The following DMTN variants were observed in gnomAD, a reference collection of about 807,000 sequenced individuals.
DMTN encodes the protein dematin.
A neutral mutation model predicts 59.4 loss-of-function variants in DMTN; 27 were observed. The observed-to-expected ratio is 0.45, with a 90% CI of 0.33 to 0.63. The LOEUF is 0.63. DMTN is among the 20% of genes least tolerant of loss of function. The pLI is 0.02. For synonymous variants in DMTN, 221 were observed against 203.7 expected (o/e 1.08, Z -0.72); for missense variants, 451 against 528.9 (o/e 0.85, Z 1.45).
At chr8:22,067,410 G>T (rs1811645867) in intron 3 of DMTN, 117 bp from the exon 4 acceptor site, 6 of 1,420,864 alleles carry the variant, frequency 4.2e-6, no homozygotes. Flanking sequence ...TAATAGAATT[G>T]TTAACGTCTG....
intron 10 of DMTN, among the ~76,000 whole-genome samples, chr8:22,077,208 G>A (rs1193367796): frequency 1.3e-5 from 2 of 152,086 alleles, no homozygotes; most frequent in African/African-American, 4.8e-5. Flanking sequence ...AAGGTGGGAG[G>A]TGGGGGAGGT....
Position 22,058,354 on chromosome 8 carries a change from A to C in DMTN, c.-172+1218A>C, listed in dbSNP as rs1044533691. 6.6e-6 allele frequency among the ~76,000 whole-genome samples: 1 copy of C among 151,980 alleles called. No individual in the cohort carries two copies. Among genetic ancestry groups the C allele is most frequent in the Non-Finnish European group, 1.5e-5 (1 of 67,970 alleles). On this transcript the variant is annotated intron_variant, in intron 1 of 15. Transcript: ENST00000358242. The surrounding 1 kb of genome is among the most constrained non-coding windows in gnomAD (Gnocchi z 4.3). ...GGAGGCCCTGGGATCCAGAAAGCTG[A>C]ATTGAGGCTGCATCTCCCCCAGCTC...
Position 22,067,179 on chromosome 8 carries a change from A to C in DMTN, c.93+20A>C. The stretch of plus-strand genomic sequence containing the variant: ...ATCGTGGTGAGTACCCCTCTCGGCC[A>C]CCAGCAACCCCTGGCTGGGAGGGGG... On this transcript the variant is annotated intron_variant, in intron 3 of 15. Coordinates refer to ENST00000358242, the MANE Select transcript of DMTN (RefSeq NM_001387751.1). 3 of 1,606,504 alleles carry C rather than the reference A, an allele frequency of 1.9e-6. No homozygotes were observed. Among genetic ancestry groups the C allele is most frequent in the Non-Finnish European group, 2.5e-6 (3 of 1,176,874 alleles).
chr8:22,062,817 C>A (rs1807620039), intron 1 of DMTN, among the ~76,000 whole-genome samples: 1 of 152,002 alleles, frequency 6.6e-6, no homozygotes, highest in South Asian at 2.1e-4. Context: ...TCCCTCCCTC[C>A]CATTCTTTCT....
chr8:22,081,062 G>A (rs770945295), intron 14 of DMTN, 51 bp from the exon 15 acceptor site: 12 of 1,582,886 alleles, frequency 7.6e-6, no homozygotes, highest in African/African-American at 2.7e-5. Flanking sequence ...CTAGGGAGTC[G>A]AAGGACAGGA....
upstream of DMTN, chr8:22,053,767 G>C (rs118189526): frequency 5.2e-5 from 8 of 152,472 alleles, no homozygotes; most frequent in East Asian, 1.5e-3. Context: ...AAGGTCCTGA[G>C]AACTCCTGAA....
chr8:22,061,003 G>A (rs1805923829), intron 1 of DMTN, among the ~76,000 whole-genome samples: 1 of 152,100 alleles, frequency 6.6e-6, no homozygotes, highest in Non-Finnish European at 1.5e-5. Context: ...GCTGGGCAGG[G>A]GCTCACACCT....
rs1259354657 is a variant in DMTN, at chr8:22,058,859, C to T, written c.-172+1723C>T. ...GTTCAGGCTTCGCCTAAGTAAGGGACACCTCTGATGAGCCACTGGCCCAGA... is the reference window on the plus strand; with the variant it reads ...GTTCAGGCTTCGCCTAAGTAAGGGATACCTCTGATGAGCCACTGGCCCAGA... On this transcript the variant is annotated intron_variant, in intron 1 of 15. Coordinates refer to ENST00000358242, the MANE Select transcript of DMTN (RefSeq NM_001387751.1). The surrounding 1 kb of genome is among the most constrained non-coding windows in gnomAD (Gnocchi z 4.3). 6.6e-6 allele frequency among the ~76,000 whole-genome samples: 1 copy of T among 152,170 alleles called. No homozygotes were observed. Among genetic ancestry groups the T allele is most frequent in the Non-Finnish European group, 1.5e-5 (1 of 68,032 alleles).
chr8:22,053,738 G>C (rs996026245), upstream of DMTN: 2 of 152,340 alleles, frequency 1.3e-5, no homozygotes, highest in African/African-American at 4.8e-5. Context: ...CCGTGTTGTG[G>C]ACACAAGCGC....
rs891857048 is a variant in DMTN, at chr8:22,058,920, CG to C, written c.-172+1791del. Among the ~76,000 whole-genome samples, 1 of 152,162 alleles carries C rather than the reference CG, an allele frequency of 6.6e-6. No individual in the cohort carries two copies. The highest frequency in any genetic ancestry group is 1.5e-5 in the Non-Finnish European group (1 of 67,960). ...GCCTCCTGGTGTCCTTTTCCAGTGGCGGGGGGGTGCGGGGAGCAAGGTGCCC... is the reference window on the plus strand; with the variant it reads ...GCCTCCTGGTGTCCTTTTCCAGTGGCGGGGGGTGCGGGGAGCAAGGTGCCC... On this transcript the variant is annotated intron_variant, in intron 1 of 15. Coordinates refer to ENST00000358242, the MANE Select transcript of DMTN (RefSeq NM_001387751.1). The surrounding 1 kb of genome is among the most constrained non-coding windows in gnomAD (Gnocchi z 4.3).
At chr8:22,050,652 G>A (rs1198141617), upstream of DMTN, among the ~76,000 whole-genome samples, 1 of 152,040 alleles carries the variant, frequency 6.6e-6, no homozygotes, top group African/African-American at 2.4e-5. Context: ...GACAGAGAAG[G>A]GAGAGGGAGA....
chr8:22,075,075 T>C (rs770440720), intron 10 of DMTN, among the ~76,000 whole-genome samples: 2 of 150,946 alleles, frequency 1.3e-5, no homozygotes, highest in Admixed American at 6.6e-5. Context: ...TAATCCCAGC[T>C]ACTCAGGAGG....
chr8:22,069,303 T>G, intron 5 of DMTN, 116 bp from the exon 6 acceptor site: 1 of 982,844 alleles, frequency 1.0e-6, no homozygotes, highest in Non-Finnish European at 1.5e-6. Context: ...GCCCTGGGTT[T>G]GGAGGGATGC....
rs189315181 is a variant in DMTN, at chr8:22,064,499, C to T, written c.-171-2206C>T. ...TTTGAGACGGAGTCTCGCTCTGTCG[C>T]CCAGGCTGGAGTGCAGTGGGACAAT... On this transcript the variant is annotated intron_variant, in intron 1 of 15. Transcript: ENST00000358242. 1.6e-3 allele frequency among the ~76,000 whole-genome samples: 247 copies of T among 152,170 alleles called. 3 individuals are homozygous for T. In the East Asian group the frequency reaches 0.032, roughly 20 times the overall value.
intron 1 of DMTN, chr8:22,059,230 G>C (rs1804534736): frequency 6.6e-6 from 1 of 152,534 alleles, no homozygotes; most frequent in Non-Finnish European, 1.5e-5. Flanking sequence ...AGAAAGACAG[G>C]AGGAAGAAAG....
At chr8:22,056,044 AG>A (rs1802432981), upstream of DMTN, among the ~76,000 whole-genome samples, 1 of 152,222 alleles carries the variant, frequency 6.6e-6, no homozygotes, top group African/African-American at 2.4e-5. Flanking sequence ...CATCCTGCCC[AG>A]GGGGCCCGAA....
intron 1 of DMTN, among the ~76,000 whole-genome samples, chr8:22,066,069 C>G (rs186280443): frequency 2.6e-5 from 4 of 152,218 alleles, no homozygotes; most frequent in Admixed American, 6.5e-5. Context: ...GTCTCGAACG[C>G]CTGGGTTCAA....
At chr8:22,061,836 C>T (rs555408895) in intron 1 of DMTN, among the ~76,000 whole-genome samples, 1 of 151,092 alleles carries the variant, frequency 6.6e-6, no homozygotes, top group East Asian at 1.9e-4. Context: ...CCACTACAGC[C>T]TCAAATCCCT....
chr8:22,079,303 A>ATATATATATATATAG (rs67715172), intron 10 of DMTN, among the ~76,000 whole-genome samples: 4,193 of 51,438 alleles, frequency 0.082, 827 homozygotes, highest in Middle Eastern at 0.14. Flanking sequence ...TATATATATT[A>ATATATATATATATAG]GCTGGGTTTG....
Sources: gnomAD v4.1 joint callset for allele counts (sites outside exome capture counted in the v4.1 genomes callset) on GRCh38, gnomAD v4.1.1 for gene constraint, Gnocchi (gnomAD v3.1) non-coding constraint, MANE v1.5 for transcripts, NCBI Gene and HGNC (gene_info 2026-07-23, HGNC 2026-07-21) for gene names.